Variants in RABGEF1 observed in about 807,000 individuals in gnomAD.
RABGEF1 encodes rab5 GDP/GTP exchange factor.
In RABGEF1, 26 loss-of-function variants were observed where a neutral mutation model predicts 57.3. The ratio of observed to expected loss-of-function variants is 0.45; its 90% CI spans 0.33 to 0.63. The LOEUF is 0.63. Among genes scored for constraint, RABGEF1 ranks in the 20% least tolerant of loss-of-function variants. RABGEF1 has a pLI of 0.02. For synonymous variants in RABGEF1, 185 were observed against 210.7 expected (o/e 0.88, Z 1.06); for missense variants, 464 against 607.6 (o/e 0.76, Z 2.48).
chr7:66,715,726 T>C (rs1211720237), intron 2 of RABGEF1, among the ~76,000 whole-genome samples: 1 of 152,212 alleles, frequency 6.6e-6, no homozygotes, highest in Non-Finnish European at 1.5e-5. Flanking sequence ...ACCAAGGACA[T>C]AATCTTAGTG....
the RABGEF1 span, among the ~76,000 whole-genome samples, chr7:66,661,043 C>T: frequency 3.3e-5 from 5 of 152,064 alleles, no homozygotes; most frequent in Admixed American, 3.3e-4. Flanking sequence ...GGCGTGGTGG[C>T]CCATGCCTGT....
chr7:66,717,225 A>G (rs1298843959), intron 2 of RABGEF1, among the ~76,000 whole-genome samples: 5 of 152,184 alleles, frequency 3.3e-5, no homozygotes, highest in Non-Finnish European at 7.3e-5. Flanking sequence ...TCTAAGAATT[A>G]CAGTATGTAC....
At chr7:66,773,857 G>A (rs1807833951) in intron 2 of RABGEF1, 3 of 417,874 alleles carry the variant, frequency 7.2e-6, no homozygotes, top group Admixed American at 2.6e-5. Flanking sequence ...GTAGAGACAG[G>A]GTTTCACCAT....
At chr7:66,808,691 C>T (rs112959882) in intron 8 of RABGEF1, among the ~76,000 whole-genome samples, 195 bp from the exon 9 acceptor site, 3 of 152,042 alleles carry the variant, frequency 2.0e-5, no homozygotes, top group Non-Finnish European at 4.4e-5. Context: ...CCCTGGAGCT[C>T]CTGGGAGTGT....
intron 1 of RABGEF1, among the ~76,000 whole-genome samples, chr7:66,755,600 G>C (rs1415281764): frequency 6.6e-6 from 1 of 152,210 alleles, no homozygotes; most frequent in Non-Finnish European, 1.5e-5. Flanking sequence ...CAGTAACTTA[G>C]TGAATAAATT....
At chr7:66,780,286 C>T (rs1019397947) in intron 3 of RABGEF1, among the ~76,000 whole-genome samples, 12 of 152,276 alleles carry the variant, frequency 7.9e-5, no homozygotes, top group African/African-American at 2.4e-4. Flanking sequence ...TGGATTTAAG[C>T]GCACAGACCT....
At chr7:66,683,865 C>T (rs937287274) in intron 1 of RABGEF1, among the ~76,000 whole-genome samples, 2 of 152,062 alleles carry the variant, frequency 1.3e-5, no homozygotes, top group African/African-American at 4.8e-5. Flanking sequence ...CTCAACCTCC[C>T]GAGTAGCTGA....
In RABGEF1 at chr7:66,805,154, G is replaced by C; in HGVS notation, c.835G>C (p.Asp279His). The C allele has an allele frequency of 1.2e-6, 2 of 1,604,954 alleles. No individual in the cohort carries two copies. Among genetic ancestry groups the C allele is most frequent in the Non-Finnish European group, 8.5e-7 (1 of 1,171,830 alleles). The change falls in exon 8 of 9, where the codon GAT becomes CAT. Residue 279 changes from aspartate (D) to histidine (H), a missense_variant. Around this residue, in one of 4 missense-constraint regions of RABGEF1, gnomAD observed 284 missense variants for 389.9 expected, o/e 0.73. Transcript: ENST00000284957. ...CTGCTTTGTAGATATCATTGAAATG[G>C]ATTCCAAGCGTGTGCCTCGAGACAA... ...VKAITDIIEMDSKRVPRDKLA... is the reference protein window; with the variant it reads ...VKAITDIIEMHSKRVPRDKLA...
In RABGEF1 at chr7:66,799,361, C is replaced by T. The variant is rs760491126; in HGVS notation, c.767C>T (p.Pro256Leu). The T allele has an allele frequency of 1.9e-6, 3 of 1,612,668 alleles. No homozygotes were observed. Among genetic ancestry groups the T allele is most frequent in the East Asian group, 2.2e-5 (1 of 44,876 alleles). Residue 256 changes from proline (P) to leucine (L), a missense_variant, in exon 7 of 9, where the codon CCT (proline) becomes CTT (leucine). Physicochemically the swap from Pro to Leu is moderately conservative, Grantham distance 98. Transcript: ENST00000284957. ...GTTACGCCTCAGATGCTGTGTGTCC[C>T]TGTTAATGAAGACATCCCAGAAGTG... ...RWVTPQMLCV[P>L]VNEDIPEVSD...
chr7:66,795,716 G>T (rs1774745929), intron 5 of RABGEF1, 124 bp downstream of exon 5: 2 of 863,224 alleles, frequency 2.3e-6, no homozygotes, highest in Non-Finnish European at 3.9e-6. Flanking sequence ...TAACCTCATG[G>T]ACATTCTGGG....
intron 1 of RABGEF1, among the ~76,000 whole-genome samples, chr7:66,759,478 C>T (rs1003776834): frequency 6.6e-6 from 1 of 152,154 alleles, no homozygotes; most frequent in Admixed American, 6.5e-5. Context: ...AGGTTGGTCA[C>T]ATAGTATATT....
chr7:66,712,762 T>G (rs962254096), intron 2 of RABGEF1, among the ~76,000 whole-genome samples: 3 of 150,800 alleles, frequency 2.0e-5, no homozygotes, highest in African/African-American at 7.3e-5. Flanking sequence ...CGTGAGCCAC[T>G]GCACCCAGCC....
At chr7:66,736,874 A>C (rs1053635338), upstream of RABGEF1, among the ~76,000 whole-genome samples, 8 of 152,044 alleles carry the variant, frequency 5.3e-5, no homozygotes, top group Admixed American at 2.6e-4. Flanking sequence ...AAACAAAACA[A>C]AACAAAGTTT....
chr7:66,711,551 T>C (rs2117389942), intron 1 of RABGEF1, among the ~76,000 whole-genome samples: 1 of 152,230 alleles, frequency 6.6e-6, no homozygotes, highest in Middle Eastern at 3.4e-3. Flanking sequence ...AAAAATCTGT[T>C]GGCTGTATTT....
the RABGEF1 span, among the ~76,000 whole-genome samples, chr7:66,660,741 C>T: frequency 6.6e-6 from 1 of 152,348 alleles, no homozygotes; most frequent in East Asian, 1.9e-4. Flanking sequence ...CCAGTCAGTT[C>T]TACCAGACAT....
chr7:66,715,668 G>A lies in RABGEF1; in HGVS notation c.-815+3444G>A, dbSNP rs113914278. Among the ~76,000 whole-genome samples the A allele has an allele frequency of 2.9e-3, 434 of 152,092 alleles. 1 individual carries two copies. Among genetic ancestry groups the A allele is most frequent in the African/African-American group, 0.01 (415 of 41,496 alleles). On this transcript the variant is annotated intron_variant and NMD_transcript_variant, in intron 2 of 9. Coordinates refer to the RABGEF1 transcript ENST00000607882. Reference sequence around the variant, plus strand: ...TTAAATTGTATGATCAGAAAGCATCGTTTATATAATTTTAAATTACAAACA... The same window carrying A: ...TTAAATTGTATGATCAGAAAGCATCATTTATATAATTTTAAATTACAAACA...
upstream of RABGEF1, among the ~76,000 whole-genome samples, chr7:66,681,482 A>C (rs923501254): frequency 6.0e-5 from 9 of 148,874 alleles, no homozygotes; most frequent in Non-Finnish European, 8.9e-5. Context: ...CTGCACCCTC[A>C]ACTTCCTGGG....
chr7:66,799,681 CT>C (rs199723632), intron 7 of RABGEF1, among the ~76,000 whole-genome samples: 1 of 151,462 alleles, frequency 6.6e-6, no homozygotes, highest in Non-Finnish European at 1.5e-5. Context: ...AATTTTTTTT[CT>C]TTTTTTTGTA....
At chr7:66,743,818 A>G (rs1179297249) in intron 1 of RABGEF1, among the ~76,000 whole-genome samples, 2 of 151,892 alleles carry the variant, frequency 1.3e-5, no homozygotes, top group Non-Finnish European at 2.9e-5. Flanking sequence ...TTTTGTAGAG[A>G]TGGAATCCTT....
Sources: gnomAD v4.1 joint callset for allele counts (sites outside exome capture counted in the v4.1 genomes callset) on GRCh38, gnomAD v4.1.1 for gene constraint, gnomAD v4.1.1 regional missense constraint, MANE v1.5 for transcripts, NCBI Gene and HGNC (gene_info 2026-07-23, HGNC 2026-07-21) for gene names.